Variants in CNTLN observed in about 807,000 individuals in gnomAD.
CNTLN encodes the protein centlein.
In CNTLN, 212 loss-of-function variants were observed where a neutral mutation model predicts 180.0. The ratio of observed to expected loss-of-function variants is 1.18; its 90% confidence interval spans 1.05 to 1.32. The LOEUF is 1.32. Ranked by LOEUF, CNTLN falls within the 40% of genes most tolerant of loss-of-function variation. The pLI is 0.00. For missense variants in CNTLN, 2,095 were observed against 1,610.9 expected, an observed-to-expected ratio of 1.30 and a Z score of -5.14; for synonymous variants, 722 against 563.1, an observed-to-expected ratio of 1.28 and a Z score of -3.99.
At chr9:17,445,166 T>C (rs1243951287) in intron 18 of CNTLN, among the ~76,000 whole-genome samples, 1 of 152,174 alleles carries the variant, frequency 6.6e-6, no homozygotes, top group Non-Finnish European at 1.5e-5. Context: ...AAAAACATTA[T>C]TGCTTCTCTT....
At chr9:17,524,388 C>A in the CNTLN span, among the ~76,000 whole-genome samples, 3 of 152,166 alleles carry the variant, frequency 2.0e-5, no homozygotes, top group Non-Finnish European at 4.4e-5. Flanking sequence ...GGCTGTCAGT[C>A]AGTGGGAGTT....
chr9:17,391,475 T>C (rs549650867), intron 14 of CNTLN, among the ~76,000 whole-genome samples: 1 of 152,268 alleles, frequency 6.6e-6, no homozygotes, highest in South Asian at 2.1e-4. Context: ...TCCAGTGACC[T>C]TCAATTTAAG....
At position 17,273,774 on chromosome 9, in the gene CNTLN, A is replaced by G. The variant is rs200699994; in HGVS notation, c.891A>G (p.Glu297=). The change falls in exon 6 of 26, where the codon GAA becomes GAG. Residue 297 remains glutamate, a synonymous_variant. Coordinates refer to ENST00000380647, the MANE Select transcript of CNTLN (RefSeq NM_017738.4). ...TAATTGAAGCAAGGAAAGAAGTTGA[A>G]GTATCACAGAGTAAATACAATGCTC... The part of the protein sequence containing the change: ...DNLIEARKEV[E]VSQSKYNALS... 14 of 1,551,888 alleles carry G rather than the reference A, an allele frequency of 9.0e-6. No individual in the cohort carries two copies. In the African/African-American group the frequency reaches 2.0e-4, roughly 22 times the overall value.
rs191046968 is a variant in CNTLN, at chr9:17,172,827, A to G, written c.449+29451A>G. On this transcript the variant is annotated intron_variant, in intron 2 of 25. Coordinates refer to ENST00000380647, the MANE Select transcript of CNTLN (RefSeq NM_017738.4). The stretch of plus-strand genomic sequence containing the variant: ...GTGTGTACACATTCCTTCATAAACT[A>G]TTTGATCTGACTAGCCTTTACATCA... 3.3e-5 allele frequency among the ~76,000 whole-genome samples: 5 copies of G among 152,304 alleles called. No homozygotes were observed. In the South Asian group the frequency reaches 8.3e-4, roughly 25 times the overall value.
chr9:17,211,517 A>G (rs1252877715), intron 2 of CNTLN, among the ~76,000 whole-genome samples: 1 of 152,220 alleles, frequency 6.6e-6, no homozygotes, highest in Admixed American at 6.5e-5. Flanking sequence ...CTTTTGGCTT[A>G]GGATTGTCTT....
intron 6 of CNTLN, among the ~76,000 whole-genome samples, chr9:17,291,541 A>G (rs200653017): frequency 6.6e-6 from 1 of 151,916 alleles, no homozygotes; most frequent in African/African-American, 2.4e-5. Context: ...ATTGAATTGA[A>G]CCCTTTACCA....
At chr9:17,423,530 C>A (rs979829479) in intron 18 of CNTLN, among the ~76,000 whole-genome samples, 1 of 152,064 alleles carries the variant, frequency 6.6e-6, no homozygotes, top group Non-Finnish European at 1.5e-5. Flanking sequence ...GTGATGTAAA[C>A]ACTCTCTTTA....
At chr9:17,228,453 C>G (rs1031000729) in intron 3 of CNTLN, among the ~76,000 whole-genome samples, 1 of 151,988 alleles carries the variant, frequency 6.6e-6, no homozygotes, top group Admixed American at 6.6e-5. Context: ...AGTATATTTT[C>G]AGTTAGGTGC....
intron 13 of CNTLN, among the ~76,000 whole-genome samples, chr9:17,367,348 C>T (rs528626501): frequency 6.6e-6 from 1 of 152,234 alleles, no homozygotes; most frequent in South Asian, 2.1e-4. Context: ...GTGGTTGGAA[C>T]CTGAGTTCTG....
At chr9:17,387,598 C>T (rs1825776442) in intron 13 of CNTLN, among the ~76,000 whole-genome samples, 1 of 151,956 alleles carries the variant, frequency 6.6e-6, no homozygotes, top group South Asian at 2.1e-4. Context: ...CACCCATATA[C>T]CTAGCTTTCT....
At chr9:17,233,417 G>T (rs1824932997) in intron 3 of CNTLN, among the ~76,000 whole-genome samples, 1 of 151,912 alleles carries the variant, frequency 6.6e-6, no homozygotes, top group East Asian at 1.9e-4. Context: ...TAGTTTCATT[G>T]CTAAGAATGT....
chr9:17,291,180 C>T (rs1829377871), intron 6 of CNTLN, among the ~76,000 whole-genome samples: 1 of 152,144 alleles, frequency 6.6e-6, no homozygotes, highest in Non-Finnish European at 1.5e-5. Context: ...GTTATGATTT[C>T]AGTTCTTTTG....
chr9:17,493,716 A>C (rs867253557), intron 25 of CNTLN, among the ~76,000 whole-genome samples: 2 of 152,244 alleles, frequency 1.3e-5, no homozygotes, highest in South Asian at 2.1e-4. Context: ...CTCCATACTT[A>C]AAATGTTTGC....
chr9:17,492,328 T>C (rs557244202), intron 25 of CNTLN, among the ~76,000 whole-genome samples: 95 of 152,212 alleles, frequency 6.2e-4, no homozygotes, highest in Middle Eastern at 3.4e-3. Flanking sequence ...TCCTCTAATA[T>C]ATATTCTTGT....
intron 6 of CNTLN, among the ~76,000 whole-genome samples, chr9:17,288,803 T>C (rs1398625025): frequency 7.4e-6 from 1 of 134,288 alleles, no homozygotes; most frequent in Admixed American, 7.4e-5. Flanking sequence ...GTTTAAAGTC[T>C]GTTTTATCAA....
intron 25 of CNTLN, among the ~76,000 whole-genome samples, chr9:17,495,774 C>T (rs919947992): frequency 2.0e-5 from 3 of 152,202 alleles, no homozygotes; most frequent in Non-Finnish European, 4.4e-5. Flanking sequence ...TCCAGTCCCA[C>T]AGGCTCCATT....
At chr9:17,247,658 ATATGGT>A (rs1341173489) in intron 5 of CNTLN, among the ~76,000 whole-genome samples, 1 of 152,116 alleles carries the variant, frequency 6.6e-6, no homozygotes, top group Non-Finnish European at 1.5e-5. Flanking sequence ...TAGTTGTTCA[ATATGGT>A]GTTCGTGCAT....
chr9:17,457,475 A>T, intron 18 of CNTLN, 49 bp from the exon 19 acceptor site: 2 of 1,003,232 alleles, frequency 2.0e-6, no homozygotes, highest in South Asian at 3.1e-5. Flanking sequence ...GATTAAATAT[A>T]GTTACTTTTA....
At chr9:17,149,958 A>G (rs1448121218) in intron 2 of CNTLN, among the ~76,000 whole-genome samples, 1 of 152,098 alleles carries the variant, frequency 6.6e-6, no homozygotes, top group Admixed American at 6.5e-5. Flanking sequence ...TTTTCTTGTG[A>G]GAAGTGTCTG....
Sources: allele counts gnomAD v4.1 joint callset (sites outside exome capture counted in the v4.1 genomes callset), GRCh38; gene constraint gnomAD v4.1.1; transcripts MANE v1.5; gene names NCBI Gene and HGNC (gene_info 2026-07-23, HGNC 2026-07-21).